Variants in VPS50 observed in about 807,000 individuals in gnomAD.
VPS50 encodes the protein syndetin.
A neutral mutation model predicts 139.7 loss-of-function variants in VPS50; 70 were observed. The ratio of observed to expected loss-of-function variants is 0.50; its 90% CI spans 0.41 to 0.61. The LOEUF is 0.61. Ranked by LOEUF, VPS50 falls within the 20% of genes least tolerant of loss-of-function variation. The pLI is 0.00. For synonymous variants in VPS50, 365 were observed against 376.7 expected, an observed-to-expected ratio of 0.97 and a Z score of 0.36; for missense variants, 921 against 1,133.7, an observed-to-expected ratio of 0.81 and a Z score of 2.69.
intron 15 of VPS50, 82 bp downstream of exon 15, chr7:93,296,918 A>C: frequency 1.4e-6 from 2 of 1,472,514 alleles, no homozygotes; most frequent in South Asian, 2.9e-5. Flanking sequence ...TATCATCTAT[A>C]ACTTCTTTAT....
intron 1 of VPS50, among the ~76,000 whole-genome samples, chr7:93,233,769 G>A (rs1020414985): frequency 6.6e-6 from 1 of 152,084 alleles, no homozygotes; most frequent in Admixed American, 6.5e-5. Context: ...TGTGACTTTC[G>A]GCAAGTTACA....
chr7:93,305,183 A>G (rs1457132784), intron 17 of VPS50, among the ~76,000 whole-genome samples: 1 of 151,900 alleles, frequency 6.6e-6, no homozygotes, highest in Non-Finnish European at 1.5e-5. Flanking sequence ...TGAACTTTGC[A>G]CTGAATCCCT....
intron 21 of VPS50, among the ~76,000 whole-genome samples, chr7:93,332,131 C>A (rs750566278): frequency 6.6e-6 from 1 of 152,182 alleles, no homozygotes; most frequent in African/African-American, 2.4e-5. Context: ...AGCATAGACT[C>A]GGCTGCTAAA....
rs1798696226 is a variant in VPS50 at position 93,355,983 on chromosome 7, A to T, written c.2678A>T (p.Asp893Val). 1 of 1,591,062 alleles carries T rather than the reference A, an allele frequency of 6.3e-7. No individual in the cohort carries two copies. The highest frequency in any genetic ancestry group is 1.3e-5 in the African/African-American group (1 of 74,502). Residue 893 changes from aspartate (D) to valine (V), a missense_variant, in exon 27 of 28, where the codon GAT becomes GTT. This residue lies in a region of VPS50 where 158 missense variants were observed against 156.3 expected (regional missense o/e 1.01). Coordinates refer to ENST00000305866, the MANE Select transcript of VPS50 (RefSeq NM_017667.4). ...QFLMKLEKLT[D>V]IRPIPDKEFV... ...TTAATGAAACTTGAAAAACTAACAG[A>T]TATTAGACCCATTCCTGATAAAGAA...
chr7:93,289,260 A>G (rs1428577200), intron 12 of VPS50, among the ~76,000 whole-genome samples: 2 of 152,088 alleles, frequency 1.3e-5, no homozygotes, highest in African/African-American at 2.4e-5. Context: ...CATTTGTCCT[A>G]TTACAAGTAA....
chr7:93,314,444 A>G (rs1307950551), intron 20 of VPS50, among the ~76,000 whole-genome samples: 1 of 152,126 alleles, frequency 6.6e-6, no homozygotes, highest in African/African-American at 2.4e-5. Flanking sequence ...AGTTGCTTGT[A>G]TTATATAAAG....
chr7:93,309,872 AATG>A (rs1797216848), intron 19 of VPS50, among the ~76,000 whole-genome samples: 1 of 151,982 alleles, frequency 6.6e-6, no homozygotes, highest in South Asian at 2.1e-4. Context: ...ATAGATTCTT[AATG>A]ATAAGTATAT....
intron 9 of VPS50, among the ~76,000 whole-genome samples, chr7:93,269,902 C>T (rs1795954098): frequency 6.6e-6 from 1 of 151,976 alleles, no homozygotes; most frequent in Admixed American, 6.6e-5. Context: ...GCTTTGGCTG[C>T]TAGGAATTTG....
chr7:93,288,213 G>C (rs1208116206), intron 12 of VPS50, among the ~76,000 whole-genome samples: 2 of 152,066 alleles, frequency 1.3e-5, no homozygotes, highest in Non-Finnish European at 2.9e-5. Context: ...GGTGAGATTT[G>C]GGTGGGGACA....
At position 93,256,447 on chromosome 7, in the gene VPS50, A is replaced by G. The variant is rs904319793; in HGVS notation, c.298-62A>G. 9.9e-6 allele frequency: 8 copies of G among 809,892 alleles called. 1 individual carries two copies. The highest frequency in any genetic ancestry group is 1.5e-5 in the Non-Finnish European group (8 of 522,984). 50.2% of individuals were successfully genotyped at this position (809,892 alleles called of 1,614,324 possible). A position where few individuals can be genotyped will look rare whatever the true frequency, so the allele number is the denominator to read the frequency against. On this transcript the variant is annotated intron_variant, in intron 4 of 27. Transcript: ENST00000305866. ...ATTCTTTTAAAAATTCAAATATAAA[A>G]TATCATAGAAAGCATGAAGTTTGTT...
intron 14 of VPS50, chr7:93,295,333 C>T (rs1796778476): frequency 6.6e-6 from 1 of 152,100 alleles, no homozygotes; most frequent in African/African-American, 2.4e-5. Context: ...TCTCTGGGGT[C>T]CCTTCTATAG....
At chr7:93,330,997 T>TAAA (rs34559868) in intron 21 of VPS50, among the ~76,000 whole-genome samples, 80,034 of 151,352 alleles carry the variant, frequency 0.53, 24,852 homozygotes, top group African/African-American at 0.87. Flanking sequence ...AGTTTGAAAA[T>TAAA]AAAAAATTTT....
intron 18 of VPS50, among the ~76,000 whole-genome samples, chr7:93,307,547 G>A (rs1458074785): frequency 1.3e-5 from 2 of 151,716 alleles, no homozygotes; most frequent in African/African-American, 4.8e-5. Flanking sequence ...TGTTCTGCAC[G>A]TTTATGACTG....
In VPS50 at chr7:93,334,207, G is replaced by C; in HGVS notation, c.2058+10G>C. ...AAGCCTTATTGATCTAGTAAGTAAC[G>C]AATTGGAATAAATTCTTTTGGATTA... On this transcript the variant is annotated intron_variant, in intron 22 of 27. Transcript: ENST00000305866. 7.3e-7 allele frequency: 1 copy of C among 1,375,516 alleles called. No individual in the cohort carries two copies. Among genetic ancestry groups the C allele is most frequent in the East Asian group, 2.3e-5 (1 of 43,566 alleles). 85.2% of individuals were successfully genotyped at this position (1,375,516 alleles called of 1,614,324 possible).
At chr7:93,269,343 A>G (rs1385567133) in intron 9 of VPS50, among the ~76,000 whole-genome samples, 1 of 152,068 alleles carries the variant, frequency 6.6e-6, no homozygotes, top group African/African-American at 2.4e-5. Flanking sequence ...CTGATATTTC[A>G]GGCACAAATC....
intron 10 of VPS50, among the ~76,000 whole-genome samples, 174 bp downstream of exon 10, chr7:93,271,436 C>T (rs1276099250): frequency 6.6e-6 from 1 of 151,708 alleles, no homozygotes; most frequent in East Asian, 1.9e-4. Flanking sequence ...TAAAAATTTA[C>T]TTGTAAATTA....
chr7:93,258,108 T>G lies in VPS50; in HGVS notation c.423-51T>G, dbSNP rs150299371. 5.9e-4 allele frequency: 443 copies of G among 745,100 alleles called. 2 individuals carry two copies. The African/African-American group carries it at 7.2e-3, about 12-fold the overall frequency. The allele number at this position is 745,100 out of a possible 1,614,324, so 46.2% of individuals were successfully genotyped here. A position where few individuals can be genotyped will look rare whatever the true frequency, so the allele number is the denominator to read the frequency against. On this transcript the variant is annotated intron_variant, in intron 6 of 27. Coordinates refer to ENST00000305866, the MANE Select transcript of VPS50 (RefSeq NM_017667.4). ...TTACCTAATTGTTCTGTGTGGATAG[T>G]ATTCTTATTATAATAAAAAACTTTT...
intron 12 of VPS50, among the ~76,000 whole-genome samples, chr7:93,284,960 A>G (rs551693489): frequency 6.6e-6 from 1 of 152,342 alleles, no homozygotes; most frequent in East Asian, 1.9e-4. Flanking sequence ...GTAATTAAAT[A>G]TTAGATACTG....
chr7:93,264,915 A>G (rs181156076), intron 9 of VPS50, among the ~76,000 whole-genome samples: 1 of 152,278 alleles, frequency 6.6e-6, no homozygotes, highest in African/African-American at 2.4e-5. Flanking sequence ...GCTTGGACCA[A>G]GTTTTGATAA....
Sources: allele counts gnomAD v4.1 joint callset (sites outside exome capture counted in the v4.1 genomes callset), GRCh38; gene constraint gnomAD v4.1.1; regional missense constraint gnomAD v4.1.1; transcripts MANE v1.5; gene names NCBI Gene and HGNC (gene_info 2026-07-23, HGNC 2026-07-21).